METTL15: variants seen among roughly 807,000 people sequenced by gnomAD.
METTL15 encodes 12S rRNA N(4)-cytidine methyltransferase METTL15.
In METTL15, 34 loss-of-function variants were observed where a neutral mutation model predicts 38.3. The ratio of observed to expected loss-of-function variants is 0.89; its 90% CI spans 0.68 to 1.18. The LOEUF (loss-of-function observed/expected upper bound fraction) is 1.18. Among genes scored for constraint, METTL15 ranks in the 50% most tolerant of loss-of-function variants. METTL15 has a pLI of 0.00. For synonymous variants in METTL15, 162 were observed against 170.9 expected (o/e 0.95, Z 0.41); for missense variants, 438 against 498.4 (o/e 0.88, Z 1.15).
chr11:28,290,868 C>G (rs768359547), intron 5 of METTL15, among the ~76,000 whole-genome samples: 7 of 151,154 alleles, frequency 4.6e-5, no homozygotes, highest in Non-Finnish European at 1.0e-4. Flanking sequence ...TATGCAGTCA[C>G]TTTGTTTGAA....
At chr11:28,262,713 G>A (rs906985312) in intron 4 of METTL15, among the ~76,000 whole-genome samples, 2 of 152,016 alleles carry the variant, frequency 1.3e-5, no homozygotes, top group Admixed American at 6.6e-5. Context: ...TATATGATAT[G>A]CCATCTTTCC....
chr11:28,320,845 AT>A (rs1028130533), intron 6 of METTL15, among the ~76,000 whole-genome samples: 3 of 152,084 alleles, frequency 2.0e-5, no homozygotes, highest in African/African-American at 4.8e-5. Context: ...TTTAAAGACA[AT>A]TTTTTTCATA....
chr11:28,203,045 A>G (rs777210543), intron 3 of METTL15, among the ~76,000 whole-genome samples: 1 of 151,910 alleles, frequency 6.6e-6, no homozygotes, highest in African/African-American at 2.4e-5. Flanking sequence ...TCAATCTCCA[A>G]CTCCAGAGAG....
At chr11:28,504,642 T>C (rs1425239228) in intron 6 of METTL15, among the ~76,000 whole-genome samples, 1 of 152,204 alleles carries the variant, frequency 6.6e-6, no homozygotes, top group African/African-American at 2.4e-5. Context: ...ACAAGTAAAC[T>C]GAGAAAAACC....
intron 4 of METTL15, among the ~76,000 whole-genome samples, chr11:28,256,686 TATTTCA>T (rs773195959): frequency 3.5e-4 from 53 of 152,056 alleles, no homozygotes; most frequent in Non-Finnish European, 6.8e-4. Context: ...TTGTTTTCTT[TATTTCA>T]ATTTCATTTA....
At chr11:28,400,091 A>T (rs1440748745) in intron 5 of METTL15, among the ~76,000 whole-genome samples, 1 of 151,972 alleles carries the variant, frequency 6.6e-6, no homozygotes, top group African/African-American at 2.4e-5. Context: ...CACCGTACTT[A>T]AGCAGTAAAG....
At chr11:28,285,636 G>A (rs921148840) in intron 4 of METTL15, among the ~76,000 whole-genome samples, 1 of 152,134 alleles carries the variant, frequency 6.6e-6, no homozygotes, top group Non-Finnish European at 1.5e-5. Flanking sequence ...TATTTTAGGT[G>A]AGGCTCAATT....
intron 4 of METTL15, among the ~76,000 whole-genome samples, chr11:28,262,170 A>G (rs769550830): frequency 6.6e-6 from 1 of 152,082 alleles, no homozygotes; most frequent in Admixed American, 6.6e-5. Flanking sequence ...ACTGTTTACT[A>G]TATTGTAGGA....
At chr11:28,373,853 G>A (rs1209147665) in intron 5 of METTL15, among the ~76,000 whole-genome samples, 3 of 152,126 alleles carry the variant, frequency 2.0e-5, no homozygotes, top group Non-Finnish European at 4.4e-5. Context: ...TAAGGTGTAA[G>A]GAAGGGATCC....
At chr11:28,532,033 A>T (rs1851845701), downstream of METTL15, among the ~76,000 whole-genome samples, 1 of 151,986 alleles carries the variant, frequency 6.6e-6, no homozygotes, top group Admixed American at 6.6e-5. Flanking sequence ...AAAAACGTTA[A>T]TTTTTCTAAA....
At chr11:28,171,592 T>C (rs1448721202) in intron 3 of METTL15, among the ~76,000 whole-genome samples, 1 of 152,178 alleles carries the variant, frequency 6.6e-6, no homozygotes, top group East Asian at 1.9e-4. Context: ...TGACATTTCG[T>C]TTTAACACAT....
chr11:28,455,215 G>C (rs531709051), intron 6 of METTL15, among the ~76,000 whole-genome samples: 2 of 119,104 alleles, frequency 1.7e-5, no homozygotes, highest in Admixed American at 1.0e-4. Flanking sequence ...GGATCAGCTA[G>C]CTTTTTTTTT....
At chr11:28,183,522 G>T (rs1851374683) in intron 3 of METTL15, among the ~76,000 whole-genome samples, 1 of 152,034 alleles carries the variant, frequency 6.6e-6, no homozygotes, top group Middle Eastern at 3.4e-3. Context: ...TAATCGTTTG[G>T]TTTTTGTCAT....
intron 6 of METTL15, among the ~76,000 whole-genome samples, chr11:28,459,303 A>G (rs1029657320): frequency 1.3e-5 from 2 of 152,114 alleles, no homozygotes; most frequent in Admixed American, 6.6e-5. Context: ...GCCTCTGTGG[A>G]GTGGGTTTAA....
chr11:28,524,048 T>A (rs1265108156), intron 6 of METTL15, among the ~76,000 whole-genome samples: 6 of 152,188 alleles, frequency 3.9e-5, no homozygotes, highest in Admixed American at 3.3e-4. Context: ...GGTTGAAAAA[T>A]TATATTCTGG....
downstream of METTL15, among the ~76,000 whole-genome samples, chr11:28,530,190 AT>A (rs145406736): frequency 3.1e-3 from 474 of 152,324 alleles, 1 homozygote; most frequent in African/African-American, 0.011. Context: ...GCCTGTTGGC[AT>A]TTGGTGGTTA....
intron 5 of METTL15, among the ~76,000 whole-genome samples, chr11:28,377,837 G>A (rs578078186): frequency 3.6e-4 from 54 of 151,572 alleles, no homozygotes; most frequent in African/African-American, 1.3e-3. Context: ...GGTTTTTGGT[G>A]TGGATGTCCT....
chr11:28,507,673 A>C (rs1289561076), intron 6 of METTL15, among the ~76,000 whole-genome samples: 1 of 152,018 alleles, frequency 6.6e-6, no homozygotes, highest in Non-Finnish European at 1.5e-5. Context: ...ATGGGACCCT[A>C]ATTTTTTCAG....
chr11:28,465,093 T>G (rs140635340), intron 6 of METTL15, among the ~76,000 whole-genome samples: 78 of 152,320 alleles, frequency 5.1e-4, no homozygotes, highest in African/African-American at 1.8e-3. Context: ...GCCAAGGAAC[T>G]TGTGCTTGCC....
Sources: allele counts gnomAD v4.1 joint callset (sites outside exome capture counted in the v4.1 genomes callset), GRCh38; gene constraint gnomAD v4.1.1; transcripts MANE v1.5; gene names NCBI Gene and HGNC (gene_info 2026-07-23, HGNC 2026-07-21).